Variants in FMN2 observed in about 807,000 individuals in gnomAD.
FMN2 encodes formin-2.
A neutral mutation model predicts 142.3 loss-of-function variants in FMN2; 51 were observed. The observed-to-expected ratio is 0.36, with a 90% CI of 0.29 to 0.45. The LOEUF is 0.45. Among genes scored for constraint, FMN2 ranks in the 20% least tolerant of loss-of-function variants. FMN2 has a pLI of 1.00. For missense variants in FMN2, 1,936 were observed against 2,122.8 expected, an observed-to-expected ratio of 0.91 and a Z score of 1.73; for synonymous variants, 882 against 869.8, an observed-to-expected ratio of 1.01 and a Z score of -0.25.
At chr1:240,203,397 G>A (rs1406685369) in intron 4 of FMN2, among the ~76,000 whole-genome samples, 3 of 152,148 alleles carry the variant, frequency 2.0e-5, no homozygotes, top group Non-Finnish European at 2.9e-5. Context: ...TAGCAAAGAC[G>A]TGGAGTCAAC....
chr1:240,284,489 A>G (rs1166326672), intron 7 of FMN2, among the ~76,000 whole-genome samples: 4 of 152,170 alleles, frequency 2.6e-5, no homozygotes, highest in African/African-American at 9.7e-5. Context: ...TAGAATACAG[A>G]TGATAGCTTC....
intron 14 of FMN2, among the ~76,000 whole-genome samples, chr1:240,365,564 C>A (rs1672641735): frequency 6.6e-6 from 1 of 152,042 alleles, no homozygotes; most frequent in Non-Finnish European, 1.5e-5. Flanking sequence ...ATTATTCATA[C>A]ACTATTTATG....
chr1:240,417,204 G>T lies in FMN2; in HGVS notation c.4911-20857G>T, dbSNP rs181541927. On this transcript the variant is annotated intron_variant, in intron 15 of 17. Transcript: ENST00000319653. ...GTATGTCCTTGAGAAGAATCAGTTT[G>T]CCCTGTGTGTGATTCTATGATATAT... Among the ~76,000 whole-genome samples the T allele has an allele frequency of 4.6e-4, 68 of 149,350 alleles. 1 individual carries two copies. In the East Asian group the frequency reaches 0.013, roughly 28 times the overall value.
At chr1:240,124,943 G>A (rs1662440318) in intron 2 of FMN2, among the ~76,000 whole-genome samples, 1 of 152,170 alleles carries the variant, frequency 6.6e-6, no homozygotes, top group Non-Finnish European at 1.5e-5. Flanking sequence ...TGGGATTACA[G>A]GCGTGAGCCA....
chr1:240,228,577 C>G (rs190403183), intron 6 of FMN2, among the ~76,000 whole-genome samples: 5 of 151,924 alleles, frequency 3.3e-5, no homozygotes, highest in Non-Finnish European at 7.4e-5. Flanking sequence ...CCTCATACAC[C>G]GCTGGTGGAA....
rs142105978 is a variant in FMN2 at position 240,382,731 on chromosome 1, A to T, written c.4859-9780A>T. On this transcript the variant is annotated intron_variant, in intron 14 of 17. Coordinates refer to ENST00000319653, the MANE Select transcript of FMN2 (RefSeq NM_020066.5). The stretch of plus-strand genomic sequence containing the variant: ...ATTGCAGAAGTGCAATTCCTATCAA[A>T]TTACCGACATCATTTTTCACAGAAA... Among the ~76,000 whole-genome samples the T allele has an allele frequency of 3.0e-3, 463 of 152,266 alleles. 3 individuals are homozygous for T. Among genetic ancestry groups the T allele is most frequent in the African/African-American group, 0.011 (444 of 41,552 alleles).
At chr1:240,400,204 A>C (rs965282647) in intron 15 of FMN2, among the ~76,000 whole-genome samples, 61 of 152,154 alleles carry the variant, frequency 4.0e-4, no homozygotes, top group African/African-American at 1.4e-3. Context: ...GCTGTGCATA[A>C]GCTTACTAGG....
chr1:240,266,898 G>T (rs1383861838), intron 7 of FMN2, among the ~76,000 whole-genome samples: 4 of 152,138 alleles, frequency 2.6e-5, no homozygotes, highest in Non-Finnish European at 4.4e-5. Context: ...ATTTGTAGAA[G>T]AATGAAACTG....
chr1:240,100,066 C>T (rs1661362517), intron 1 of FMN2, among the ~76,000 whole-genome samples: 1 of 152,194 alleles, frequency 6.6e-6, no homozygotes, highest in South Asian at 2.1e-4. Context: ...AGGCTTCCTA[C>T]TGGCAATTAA....
chr1:240,324,442 G>A (rs1671085207), intron 8 of FMN2, among the ~76,000 whole-genome samples: 2 of 152,078 alleles, frequency 1.3e-5, no homozygotes, highest in African/African-American at 4.8e-5. Flanking sequence ...CGGATCACTT[G>A]AGGCTATCGA....
At chr1:240,472,322 A>G (rs1345443337) in intron 16 of FMN2, 50 bp from the exon 17 acceptor site, 18 of 1,340,806 alleles carry the variant, frequency 1.3e-5, no homozygotes, top group Non-Finnish European at 1.9e-5. Flanking sequence ...AGGTAGAATG[A>G]GGTGATCTAA....
chr1:240,380,445 G>C (rs1673186238), intron 14 of FMN2, among the ~76,000 whole-genome samples: 1 of 152,052 alleles, frequency 6.6e-6, no homozygotes, highest in South Asian at 2.1e-4. Flanking sequence ...AATGAAACTA[G>C]ATACAACTGC....
At chr1:240,146,100 G>A (rs562931291) in intron 2 of FMN2, among the ~76,000 whole-genome samples, 1 of 151,892 alleles carries the variant, frequency 6.6e-6, no homozygotes, top group South Asian at 2.1e-4. Context: ...GTATGGCTGG[G>A]CTCAGTGGAT....
intron 4 of FMN2, among the ~76,000 whole-genome samples, chr1:240,192,840 AT>A (rs34381897): frequency 0.37 from 54,683 of 149,704 alleles, 10,108 homozygotes; most frequent in African/African-American, 0.39. Flanking sequence ...GAAAGAAAGG[AT>A]TTTTTTTTTT....
intron 16 of FMN2, among the ~76,000 whole-genome samples, 157 bp downstream of exon 16, chr1:240,438,367 G>A (rs1675476639): frequency 6.6e-6 from 1 of 152,162 alleles, no homozygotes; most frequent in Non-Finnish European, 1.5e-5. Context: ...GCAAAATTTG[G>A]AGTTTTAATA....
chr1:240,261,179 A>G (rs1010225770), intron 7 of FMN2, among the ~76,000 whole-genome samples: 3 of 152,090 alleles, frequency 2.0e-5, no homozygotes, highest in Admixed American at 6.6e-5. Flanking sequence ...TTGAAGTCAG[A>G]TAATGTGATG....
intron 6 of FMN2, among the ~76,000 whole-genome samples, chr1:240,212,674 G>C (rs1373810235): frequency 6.6e-6 from 1 of 152,180 alleles, no homozygotes; most frequent in East Asian, 1.9e-4. Context: ...CTCTGGCAGA[G>C]ATAAATATTT....
At chr1:240,250,773 T>TA (rs1668250572) in intron 6 of FMN2, among the ~76,000 whole-genome samples, 1 of 152,174 alleles carries the variant, frequency 6.6e-6, no homozygotes. Flanking sequence ...AACTCATTGT[T>TA]AGTCTGTTCA....
In FMN2 at chr1:240,230,241, C is replaced by T. The variant is rs1413100908; in HGVS notation, c.4065+19006C>T. On this transcript the variant is annotated intron_variant, in intron 6 of 17. Transcript: ENST00000319653. ...GCTTGAGAGGCTGAGGCAGGAGGATCGCTTAAGCCCAGGAGGTCAAGGCTG... is the reference window on the plus strand; with the variant it reads ...GCTTGAGAGGCTGAGGCAGGAGGATTGCTTAAGCCCAGGAGGTCAAGGCTG... 1.5e-5 allele frequency among the ~76,000 whole-genome samples: 2 copies of T among 129,732 alleles called. 1 individual carries two copies. The highest frequency in any genetic ancestry group is 1.5e-4 in the Admixed American group (2 of 13,668). The allele number at this position is 129,732 out of a possible 152,430, so 85.1% of individuals were successfully genotyped here.
Sources: gnomAD v4.1 joint callset for allele counts (sites outside exome capture counted in the v4.1 genomes callset) on GRCh38, gnomAD v4.1.1 for gene constraint, MANE v1.5 for transcripts, NCBI Gene and HGNC (gene_info 2026-07-23, HGNC 2026-07-21) for gene names.